NRG1: variants seen among roughly 807,000 people sequenced by gnomAD.
The protein encoded by NRG1 is neuregulin 1.
In NRG1, 18 loss-of-function variants were observed where a neutral mutation model predicts 63.8. That is an observed-to-expected ratio of 0.28 (90% CI 0.19 to 0.42). NRG1 has a LOEUF of 0.42. NRG1 is among the 10% of genes least tolerant of loss of function. NRG1 has a pLI of 1.00. For synonymous variants in NRG1, 302 were observed against 301.3 expected, an observed-to-expected ratio of 1.00 and a Z score of -0.02; for missense variants, 762 against 814.7, an observed-to-expected ratio of 0.94 and a Z score of 0.79.
At chr8:32,364,957 C>CTTT in intron 1 of NRG1, among the ~76,000 whole-genome samples, 1 of 108,460 alleles carries the variant, frequency 9.2e-6, no homozygotes, top group Non-Finnish European at 1.8e-5. Context: ...CCCTTTACTA[C>CTTT]TTTTTTTTTT....
intron 1 of NRG1, among the ~76,000 whole-genome samples, chr8:31,916,921 A>G (rs1217110288): frequency 6.6e-6 from 1 of 151,740 alleles, no homozygotes; most frequent in African/African-American, 2.4e-5. Context: ...ATGGTATCTC[A>G]TTGTGGTTTT....
chr8:32,394,229 A>C (rs781484161), intron 1 of NRG1, among the ~76,000 whole-genome samples: 3 of 152,212 alleles, frequency 2.0e-5, no homozygotes, highest in Non-Finnish European at 4.4e-5. Flanking sequence ...ACTTACACTG[A>C]AAACAGAACT....
intron 1 of NRG1, among the ~76,000 whole-genome samples, chr8:31,945,502 T>C (rs1302702648): frequency 2.6e-5 from 4 of 152,228 alleles, no homozygotes; most frequent in Admixed American, 2.6e-4. Flanking sequence ...GTGCAGCCAC[T>C]TGAGAATTGA....
rs1213366723 is a variant in NRG1 at position 32,339,913 on chromosome 8, A to C, written c.38-255915A>C. ...TTCTACTTTTTTTTAATGGTTTGTA[A>C]TCTCAGCAGGGATTGTGTTATCTAA... On this transcript the variant is annotated intron_variant, in intron 1 of 10. Transcript: ENST00000519301. Among the ~76,000 whole-genome samples the C allele has an allele frequency of 9.2e-5, 14 of 152,158 alleles. No individual in the cohort carries two copies. In the South Asian group the frequency reaches 2.7e-3, roughly 29 times the overall value.
At chr8:32,511,367 G>GTATATATA (rs202038797) in intron 1 of NRG1, among the ~76,000 whole-genome samples, 2,990 of 121,612 alleles carry the variant, frequency 0.025, 42 homozygotes, top group Non-Finnish European at 0.036. Flanking sequence ...ATATATATGT[G>GTATATATA]TATATATATA....
chr8:32,403,997 C>G (rs1813592212), intron 1 of NRG1, among the ~76,000 whole-genome samples: 1 of 152,214 alleles, frequency 6.6e-6, no homozygotes, highest in Non-Finnish European at 1.5e-5. Context: ...TGTTCACCTA[C>G]TATATGCATT....
At position 32,579,239 on chromosome 8, in the gene NRG1, G is replaced by A. The variant is rs143621426; in HGVS notation, c.101-16589G>A. ...TTTTGGATACTATTGCCACTGGGAT[G>A]CAAGCATTCATAAATTATGTTTAAA... On this transcript the variant is annotated intron_variant, in intron 1 of 11. Coordinates refer to ENST00000356819, the Ensembl canonical transcript of NRG1. Among the ~76,000 whole-genome samples, 1,042 of 126,518 alleles carry A rather than the reference G, an allele frequency of 8.2e-3. 13 individuals are homozygous for A. Among genetic ancestry groups the A allele is most frequent in the African/African-American group, 0.028 (961 of 34,336 alleles). 83.0% of individuals were successfully genotyped at this position (126,518 alleles called of 152,430 possible).
At chr8:32,687,429 G>T (rs1810456362) in intron 5 of NRG1, among the ~76,000 whole-genome samples, 1 of 152,150 alleles carries the variant, frequency 6.6e-6, no homozygotes, top group South Asian at 2.1e-4. Context: ...CCAAAGGTCA[G>T]GGGAAGAAAA....
intron 1 of NRG1, among the ~76,000 whole-genome samples, chr8:31,681,107 T>C (rs1465445048): frequency 6.6e-6 from 1 of 151,986 alleles, no homozygotes; most frequent in Non-Finnish European, 1.5e-5. Context: ...TGACAATTGG[T>C]TAACTAAGTG....
chr8:32,018,734 T>C (rs188591173), intron 1 of NRG1, among the ~76,000 whole-genome samples: 117 of 152,334 alleles, frequency 7.7e-4, no homozygotes, highest in Non-Finnish European at 1.3e-3. Flanking sequence ...AGCATTCTTG[T>C]ATATGTCTTT....
chr8:32,402,203 A>C (rs577062677), intron 1 of NRG1, among the ~76,000 whole-genome samples: 1 of 152,158 alleles, frequency 6.6e-6, no homozygotes, highest in African/African-American at 2.4e-5. Flanking sequence ...GTGAGCCACC[A>C]CGCCTGGCCT....
intron 1 of NRG1, among the ~76,000 whole-genome samples, chr8:32,127,288 C>CA (rs1233184360): frequency 4.6e-5 from 7 of 151,872 alleles, no homozygotes; most frequent in Non-Finnish European, 8.8e-5. Context: ...AAAGGGCTTA[C>CA]AGCAGTGTTA....
chr8:32,170,971 G>A (rs1839962137), intron 1 of NRG1, among the ~76,000 whole-genome samples: 1 of 152,122 alleles, frequency 6.6e-6, no homozygotes, highest in Admixed American at 6.5e-5. Context: ...CCTGTCTCTT[G>A]TGTTCCACAA....
chr8:31,774,794 A>G (rs1380255142), intron 1 of NRG1, among the ~76,000 whole-genome samples: 1 of 152,252 alleles, frequency 6.6e-6, no homozygotes. Flanking sequence ...GACATTTCTC[A>G]AAAGAAGATA....
At chr8:32,494,255 C>T (rs1259236157) in intron 1 of NRG1, among the ~76,000 whole-genome samples, 1 of 152,120 alleles carries the variant, frequency 6.6e-6, no homozygotes, top group Non-Finnish European at 1.5e-5. Flanking sequence ...TTGGAAACTA[C>T]CAGGGACTAT....
At chr8:31,944,595 G>C (rs1260204695) in intron 1 of NRG1, among the ~76,000 whole-genome samples, 2 of 152,062 alleles carry the variant, frequency 1.3e-5, no homozygotes, top group African/African-American at 2.4e-5. Flanking sequence ...TCTTATACTA[G>C]AGCATAATAA....
At chr8:32,210,620 C>T (rs1844604644) in intron 1 of NRG1, among the ~76,000 whole-genome samples, 1 of 152,170 alleles carries the variant, frequency 6.6e-6, no homozygotes, top group South Asian at 2.1e-4. Context: ...AAAAGATGAA[C>T]TTCATCACTA....
At chr8:31,684,912 A>T (rs1808724949) in intron 1 of NRG1, among the ~76,000 whole-genome samples, 1 of 152,204 alleles carries the variant, frequency 6.6e-6, no homozygotes, top group African/African-American at 2.4e-5. Flanking sequence ...ACTTGATATA[A>T]ATAGAAATAG....
intron 1 of NRG1, among the ~76,000 whole-genome samples, chr8:32,550,697 T>G (rs535305756): frequency 6.6e-6 from 1 of 152,290 alleles, no homozygotes; most frequent in Non-Finnish European, 1.5e-5. Flanking sequence ...GCAGCTGTCT[T>G]GTGATTAGCT....
Sources: allele counts gnomAD v4.1 joint callset (sites outside exome capture counted in the v4.1 genomes callset), GRCh38; gene constraint gnomAD v4.1.1; transcripts MANE v1.5; gene names NCBI Gene and HGNC (gene_info 2026-07-23, HGNC 2026-07-21).